PCDH15: variants seen among roughly 807,000 people sequenced by gnomAD.
The protein encoded by PCDH15 is protocadherin-15.
PCDH15 carries 129 observed loss-of-function variants against 178.5 expected under a neutral mutation model. The ratio of observed to expected loss-of-function variants is 0.72; its 90% CI spans 0.63 to 0.84. The LOEUF (loss-of-function observed/expected upper bound fraction) is 0.84, where lower values mean the gene tolerates loss of function less well. Ranked by LOEUF, PCDH15 falls within the 40% of genes least tolerant of loss-of-function variation. The probability of loss-of-function intolerance (pLI) is 0.00; values close to 1 mark genes in which losing one functional copy is unlikely to be tolerated. For missense variants in PCDH15, 2,230 were observed against 2,099.9 expected (o/e 1.06, Z -1.21); for synonymous variants, 800 against 732.0 (o/e 1.09, Z -1.50).
intron 18 of PCDH15, among the ~76,000 whole-genome samples, chr10:54,055,025 G>T (rs1436545116): frequency 6.6e-6 from 1 of 152,104 alleles, no homozygotes; most frequent in Non-Finnish European, 1.5e-5. Context: ...CCCACACAGG[G>T]AGACAACTAT....
At chr10:53,885,454 C>T (rs191551369) in intron 26 of PCDH15, among the ~76,000 whole-genome samples, 1 of 152,114 alleles carries the variant, frequency 6.6e-6, no homozygotes, top group African/African-American at 2.4e-5. Flanking sequence ...TATACTGATA[C>T]TGCTTGAAGA....
chr10:54,791,009 A>C (rs58399484), intron 1 of PCDH15, among the ~76,000 whole-genome samples: 6,181 of 151,992 alleles, frequency 0.041, 390 homozygotes, highest in African/African-American at 0.14. Context: ...CAATAACAAC[A>C]AAAATACTCA....
intron 3 of PCDH15, among the ~76,000 whole-genome samples, chr10:54,523,179 C>A (rs1038598800): frequency 2.0e-5 from 3 of 152,070 alleles, no homozygotes; most frequent in African/African-American, 7.2e-5. Flanking sequence ...ATCTAGAAAG[C>A]AAAAACTTGG....
At chr10:55,239,123 G>A (rs754772703) in intron 1 of PCDH15, among the ~76,000 whole-genome samples, 39 of 151,430 alleles carry the variant, frequency 2.6e-4, no homozygotes, top group Non-Finnish European at 4.0e-4. Flanking sequence ...TTTGTCTTTC[G>A]GCTTGTGCTT....
intron 3 of PCDH15, among the ~76,000 whole-genome samples, chr10:54,495,605 T>A (rs2080036535): frequency 6.6e-6 from 1 of 152,176 alleles, no homozygotes; most frequent in South Asian, 2.1e-4. Context: ...ATAGAGATAA[T>A]AAAAGTTAGA....
intron 1 of PCDH15, among the ~76,000 whole-genome samples, chr10:55,181,585 C>A (rs572479519): frequency 9.2e-5 from 14 of 151,740 alleles, no homozygotes; most frequent in African/African-American, 3.4e-4. Flanking sequence ...AATTTATTGA[C>A]GATAATTTTC....
At chr10:54,219,488 G>A (rs957439633) in intron 9 of PCDH15, among the ~76,000 whole-genome samples, 13 of 149,824 alleles carry the variant, frequency 8.7e-5, no homozygotes, top group African/African-American at 3.2e-4. Flanking sequence ...AGCTACTCGG[G>A]AGGCTGAGGC....
chr10:55,619,667 TA>T (rs1190307753), intron 2 of PCDH15, among the ~76,000 whole-genome samples: 1 of 152,088 alleles, frequency 6.6e-6, no homozygotes, highest in African/African-American at 2.4e-5. Flanking sequence ...AATTCATTAT[TA>T]TTTTTCAATA....
At chr10:54,885,312 C>A (rs1051451370) in intron 3 of PCDH15, among the ~76,000 whole-genome samples, 1 of 151,654 alleles carries the variant, frequency 6.6e-6, no homozygotes, top group Non-Finnish European at 1.5e-5. Context: ...CATGTGAAAT[C>A]TTGATAGAGG....
At chr10:54,248,887 C>A (rs186034693) in intron 8 of PCDH15, among the ~76,000 whole-genome samples, 371 of 152,022 alleles carry the variant, frequency 2.4e-3, no homozygotes, top group Non-Finnish European at 3.6e-3. Context: ...AGTAGAAAAT[C>A]ATCTAGAGAC....
intron 1 of PCDH15, among the ~76,000 whole-genome samples, chr10:54,664,980 T>C (rs1196430697): frequency 6.6e-6 from 1 of 151,818 alleles, no homozygotes; most frequent in Non-Finnish European, 1.5e-5. Flanking sequence ...GAGAATGTCT[T>C]ATTGAAAGAA....
At chr10:55,530,112 T>C (rs1841416393) in intron 2 of PCDH15, among the ~76,000 whole-genome samples, 1 of 152,032 alleles carries the variant, frequency 6.6e-6, no homozygotes, top group Admixed American at 6.6e-5. Flanking sequence ...TTGTGTATAA[T>C]AATGACATAT....
At chr10:54,787,243 C>G (rs1950966571) in intron 1 of PCDH15, among the ~76,000 whole-genome samples, 1 of 149,730 alleles carries the variant, frequency 6.7e-6, no homozygotes, top group Non-Finnish European at 1.5e-5. Flanking sequence ...TAAAAGGTTT[C>G]CAAAATATTC....
At chr10:54,974,146 C>T (rs145468413) in intron 2 of PCDH15, among the ~76,000 whole-genome samples, 2 of 151,158 alleles carry the variant, frequency 1.3e-5, no homozygotes, top group Admixed American at 6.6e-5. Flanking sequence ...AATGGCACAG[C>T]CTAGGAGACT....
At chr10:54,218,851 T>C (rs1419007062) in intron 9 of PCDH15, among the ~76,000 whole-genome samples, 1 of 152,060 alleles carries the variant, frequency 6.6e-6, no homozygotes, top group East Asian at 1.9e-4. Flanking sequence ...CCAAGGAAAG[T>C]ACAATCAAGA....
In PCDH15 at chr10:54,449,469, G is replaced by A. The variant is rs114799827; in HGVS notation, c.158-70527C>T. ...TAAATATAACCTTCTCTATCCATGA[G>A]TTCAATTAACAACTTTGGATAGGAA... On this transcript the variant is annotated intron_variant, in intron 3 of 37. Coordinates refer to ENST00000644397, the MANE Select transcript of PCDH15 (RefSeq NM_001384140.1). Among the ~76,000 whole-genome samples the A allele has an allele frequency of 9.8e-3, 1,486 of 151,722 alleles. 21 individuals carry two copies. The highest frequency in any genetic ancestry group is 0.033 in the African/African-American group (1,351 of 41,436).
chr10:54,045,970 C>T (rs2093646634), intron 18 of PCDH15, among the ~76,000 whole-genome samples: 1 of 151,948 alleles, frequency 6.6e-6, no homozygotes, highest in Admixed American at 6.6e-5. Flanking sequence ...AATCAAAGAA[C>T]TCCCACAGAT....
At chr10:54,216,044 G>GA (rs10648282) in intron 9 of PCDH15, among the ~76,000 whole-genome samples, 3,235 of 70,354 alleles carry the variant, frequency 0.046, 639 homozygotes, top group African/African-American at 0.18. Flanking sequence ...CTCCGTCTCA[G>GA]AAAAAAAAAA....
intron 1 of PCDH15, chr10:55,247,989 T>G (rs1841728683): frequency 6.6e-6 from 1 of 150,828 alleles, no homozygotes; most frequent in South Asian, 2.1e-4. Context: ...TTTTTTTTTT[T>G]TTTACAAATA....
Sources: allele counts gnomAD v4.1 joint callset (sites outside exome capture counted in the v4.1 genomes callset), GRCh38; gene constraint gnomAD v4.1.1; transcripts MANE v1.5; gene names NCBI Gene and HGNC (gene_info 2026-07-23, HGNC 2026-07-21).